The following DNAH9 variants were observed in gnomAD, a reference collection of about 807,000 sequenced individuals.
DNAH9 encodes the protein dynein axonemal heavy chain 9, also known as DNAH9 variant protein.
DNAH9 carries 345 observed loss-of-function variants against 471.6 expected under a neutral mutation model. The observed-to-expected ratio is 0.73, with a 90% CI of 0.67 to 0.80. The LOEUF (loss-of-function observed/expected upper bound fraction) is 0.80. DNAH9 is among the 30% of genes least tolerant of loss of function. The pLI is 0.00. For synonymous variants in DNAH9, 2,093 were observed against 2,123.6 expected (o/e 0.99, Z 0.40); for missense variants, 5,407 against 5,609.2 (o/e 0.96, Z 1.15).
At chr17:11,879,605 C>A (rs1318259063) in intron 53 of DNAH9, among the ~76,000 whole-genome samples, 2 of 151,834 alleles carry the variant, frequency 1.3e-5, no homozygotes, top group Non-Finnish European at 2.9e-5. Context: ...TAAAAGTAAC[C>A]TAAATCTTTG....
intron 7 of DNAH9, 131 bp from the exon 8 acceptor site, chr17:11,632,456 G>A (rs1393550331): frequency 2.0e-5 from 12 of 613,724 alleles, no homozygotes; most frequent in Non-Finnish European, 2.9e-5. Context: ...GTCATGCCAT[G>A]GTGAATTTCA....
intron 8 of DNAH9, among the ~76,000 whole-genome samples, chr17:11,633,022 C>T (rs1342630044): frequency 6.6e-6 from 1 of 152,012 alleles, no homozygotes; most frequent in East Asian, 1.9e-4. Flanking sequence ...GGCTATTTAA[C>T]CATGGCTGCT....
In DNAH9 at chr17:11,771,944, C is replaced by G. The variant is rs553612744; in HGVS notation, c.7552+2615C>G. Among the ~76,000 whole-genome samples the G allele has an allele frequency of 2.0e-5, 3 of 152,214 alleles. No individual in the cohort carries two copies. In the South Asian group the frequency reaches 6.2e-4, roughly 32 times the overall value. On this transcript the variant is annotated intron_variant, in intron 38 of 68. Transcript: ENST00000262442. ...GAATTTGTATTACCTTCATTTTATACATGAGAAAACTAAGGCACAGAGAAG... is the reference window on the plus strand; with the variant it reads ...GAATTTGTATTACCTTCATTTTATAGATGAGAAAACTAAGGCACAGAGAAG...
rs149721373 is a variant in DNAH9 at position 11,669,558 on chromosome 17, A to C, written c.3117A>C (p.Glu1039Asp). The C allele has an allele frequency of 5.6e-6, 9 of 1,614,000 alleles. No individual in the cohort carries two copies. The African/African-American group carries it at 1.2e-4, about 22-fold the overall frequency. Residue 1039 changes from glutamate to aspartate, a missense_variant, in exon 17 of 69, where the codon GAA becomes GAC. By Grantham distance (45) the Glu-to-Asp change is conservative. Coordinates refer to ENST00000262442, the MANE Select transcript of DNAH9 (RefSeq NM_001372.4). ...ACGGGCACATCCTCACTCCGGAAGAAATTGAAGACCATGTGGAAGATGGCA... is the reference window on the plus strand; with the variant it reads ...ACGGGCACATCCTCACTCCGGAAGACATTGAAGACCATGTGGAAGATGGCA... ...LLYGHILTPE[E>D]IEDHVEDGIP...
chr17:11,638,997 A>G (rs905153816), intron 9 of DNAH9, among the ~76,000 whole-genome samples: 4 of 152,190 alleles, frequency 2.6e-5, no homozygotes, highest in Non-Finnish European at 5.9e-5. Context: ...CCTCTTATGC[A>G]TCAAATCTCT....
intron 25 of DNAH9, 53 bp from the exon 26 acceptor site, chr17:11,704,972 G>A (rs570512536): frequency 5.6e-5 from 85 of 1,513,890 alleles, no homozygotes; most frequent in Middle Eastern, 1.7e-4. Context: ...TTGTGGCCAA[G>A]GGACTACCTG....
chr17:11,689,528 C>A (rs375532114), intron 19 of DNAH9, 38 bp from the exon 20 acceptor site: 11 of 1,556,408 alleles, frequency 7.1e-6, no homozygotes, highest in Non-Finnish European at 8.7e-6. Context: ...TGGGCCCCTG[C>A]GTGCCATACT....
chr17:11,662,595 A>G (rs1018078281), intron 14 of DNAH9, among the ~76,000 whole-genome samples: 5 of 151,720 alleles, frequency 3.3e-5, no homozygotes, highest in Non-Finnish European at 5.9e-5. Context: ...GCTTGTTTGT[A>G]TGTCTAGTAA....
At chr17:11,752,426 C>T (rs1187824044) in intron 32 of DNAH9, among the ~76,000 whole-genome samples, 1 of 152,178 alleles carries the variant, frequency 6.6e-6, no homozygotes, top group Non-Finnish European at 1.5e-5. Flanking sequence ...GCACCTTGGG[C>T]ACTGCCAGGT....
intron 28 of DNAH9, among the ~76,000 whole-genome samples, chr17:11,729,665 A>G (rs897396545): frequency 2.6e-5 from 4 of 152,008 alleles, no homozygotes; most frequent in Non-Finnish European, 5.9e-5. Context: ...GGAGGGTGGC[A>G]GAAGGGGGGT....
intron 30 of DNAH9, among the ~76,000 whole-genome samples, chr17:11,744,527 G>T (rs2075486568): frequency 6.6e-6 from 1 of 152,136 alleles, no homozygotes; most frequent in African/African-American, 2.4e-5. Flanking sequence ...AGCCAGATAG[G>T]TTTGAAAATG....
At chr17:11,641,979 T>C (rs2073282328) in intron 10 of DNAH9, among the ~76,000 whole-genome samples, 1 of 152,030 alleles carries the variant, frequency 6.6e-6, no homozygotes, top group African/African-American at 2.4e-5. Flanking sequence ...CTACATCAGC[T>C]GGTAGGATGT....
intron 43 of DNAH9, among the ~76,000 whole-genome samples, chr17:11,806,884 A>G (rs568106807): frequency 4.6e-4 from 70 of 152,278 alleles, no homozygotes; most frequent in African/African-American, 1.6e-3. Context: ...CATAAGGTAT[A>G]TGCATACTGC....
chr17:11,843,863 G>GTGTGTGTGTGTGTGTATATA (rs1253794533), intron 49 of DNAH9, among the ~76,000 whole-genome samples: 4 of 46,466 alleles, frequency 8.6e-5, no homozygotes, highest in Non-Finnish European at 1.6e-4. Flanking sequence ...GTGTGTGTGT[G>GTGTGTGTGTGTGTGTATATA]TATATATATA....
intron 68 of DNAH9, among the ~76,000 whole-genome samples, chr17:11,964,861 C>T (rs1034515963): frequency 3.9e-5 from 6 of 151,902 alleles, no homozygotes. Context: ...CCCACCCCCC[C>T]ACAAAAAAAC....
chr17:11,695,362 T>C (rs897482953), intron 22 of DNAH9, among the ~76,000 whole-genome samples: 2 of 152,188 alleles, frequency 1.3e-5, no homozygotes, highest in Admixed American at 1.3e-4. Flanking sequence ...CAGGAAATAC[T>C]GGCCAAACTC....
intron 49 of DNAH9, among the ~76,000 whole-genome samples, chr17:11,851,128 G>A (rs1188925897): frequency 1.7e-5 from 2 of 121,212 alleles, no homozygotes; most frequent in Non-Finnish European, 3.6e-5. Context: ...GTTGTTGTTT[G>A]AGATGGAGTT....
intron 6 of DNAH9, among the ~76,000 whole-genome samples, chr17:11,622,137 G>T (rs1410005578): frequency 6.6e-6 from 1 of 152,048 alleles, no homozygotes; most frequent in Non-Finnish European, 1.5e-5. Flanking sequence ...AGAAAGAGGG[G>T]TCTCTAGCCC....
chr17:11,964,138 G>A (rs1976488828), intron 68 of DNAH9, among the ~76,000 whole-genome samples: 2 of 152,178 alleles, frequency 1.3e-5, no homozygotes, highest in African/African-American at 4.8e-5. Context: ...CAACAGAAAG[G>A]ACAGTAAAGT....
Sources: allele counts gnomAD v4.1 joint callset (sites outside exome capture counted in the v4.1 genomes callset), GRCh38; gene constraint gnomAD v4.1.1; transcripts MANE v1.5; gene names NCBI Gene and HGNC (gene_info 2026-07-23, HGNC 2026-07-21).